The following ACACA variants were observed in gnomAD, a reference collection of about 807,000 sequenced individuals.
ACACA encodes the protein acetyl-CoA carboxylase 1.
In ACACA, 103 loss-of-function variants were observed where a neutral mutation model predicts 296.1. That is an observed-to-expected ratio of 0.35 (90% CI 0.30 to 0.41). The LOEUF (loss-of-function observed/expected upper bound fraction) is 0.41, where lower values mean the gene tolerates loss of function less well. Among genes scored for constraint, ACACA ranks in the 10% least tolerant of loss-of-function variants. The pLI is 1.00. For synonymous variants in ACACA, 953 were observed against 1,038.6 expected, an observed-to-expected ratio of 0.92 and a Z score of 1.58; for missense variants, 1,554 against 2,989.7, an observed-to-expected ratio of 0.52 and a Z score of 11.20.
chr17:37,359,226 A>C (rs1276687953), intron 1 of ACACA: 66 of 825,534 alleles, frequency 8.0e-5, no homozygotes, highest in Non-Finnish European at 9.5e-5. Context: ...GTCCGGGGTT[A>C]CTCCAGGCCG....
At chr17:37,391,603 ACTTGCATC>A in intron 1 of ACACA, 1 of 1,560,460 alleles carries the variant, frequency 6.4e-7, no homozygotes, top group Non-Finnish European at 8.8e-7. Flanking sequence ...AGAACTATAC[ACTTGCATC>A]CTTTTTTAAC....
chr17:37,406,179 T>A, intron 1 of ACACA, 83 bp downstream of exon 1: 1 of 1,485,338 alleles, frequency 6.7e-7, no homozygotes, highest in Non-Finnish European at 9.4e-7. Context: ...CTTTGTGCAA[T>A]GTCTGGCATG....
At chr17:37,291,773 G>A (rs2083080150) in intron 3 of ACACA, among the ~76,000 whole-genome samples, 2 of 152,152 alleles carry the variant, frequency 1.3e-5, no homozygotes, top group Non-Finnish European at 2.9e-5. Flanking sequence ...AACACCTGAT[G>A]ATGTTATTAA....
At chr17:37,285,640 C>T (rs1598402091) in intron 3 of ACACA, among the ~76,000 whole-genome samples, 1 of 147,774 alleles carries the variant, frequency 6.8e-6, no homozygotes, top group Non-Finnish European at 1.5e-5. Flanking sequence ...ATGGCAAAAC[C>T]CTGTCTATAA....
chr17:37,344,746 C>T (rs2048539210), intron 1 of ACACA, among the ~76,000 whole-genome samples: 1 of 152,018 alleles, frequency 6.6e-6, no homozygotes, highest in Non-Finnish European at 1.5e-5. Flanking sequence ...AACTTACGAT[C>T]AACACAATTT....
chr17:37,293,096 T>C (rs1266276842), intron 3 of ACACA, among the ~76,000 whole-genome samples: 1 of 152,248 alleles, frequency 6.6e-6, no homozygotes, highest in Non-Finnish European at 1.5e-5. Flanking sequence ...ACTTTAACTA[T>C]GAAAATGTTA....
Position 37,094,587 on chromosome 17 carries a change from C to A in ACACA, c.6891+2409G>T, listed in dbSNP as rs531740783. Among the ~76,000 whole-genome samples the A allele has an allele frequency of 4.1e-5, 5 of 122,298 alleles. 1 individual carries two copies. In the South Asian group the frequency reaches 8.7e-4, roughly 21 times the overall value. The allele number at this position is 122,298 out of a possible 152,430, so 80.2% of individuals were successfully genotyped here. On this transcript the variant is annotated intron_variant, in intron 54 of 55. Transcript: ENST00000616317. ...TTGAAGAACCACCCCCCCCCCCCCACACCAAACAGCAAGCAGATTGTACAT... is the reference window on the plus strand; with the variant it reads ...TTGAAGAACCACCCCCCCCCCCCCAAACCAAACAGCAAGCAGATTGTACAT...
At chr17:37,370,625 C>G (rs910294422) in intron 1 of ACACA, among the ~76,000 whole-genome samples, 4 of 151,390 alleles carry the variant, frequency 2.6e-5, no homozygotes, top group African/African-American at 4.9e-5. Flanking sequence ...CCACTGCACT[C>G]CAGCCTGGGT....
Position 37,107,298 on chromosome 17 carries a change from T to C in ACACA, c.6565+4233A>G, listed in dbSNP as rs76208027. On this transcript the variant is annotated intron_variant, in intron 52 of 55. Coordinates refer to ENST00000616317, the MANE Select transcript of ACACA (RefSeq NM_198834.3). ...TTTTCAGCTTTCAGCCTCTCGAAGA[T>C]GGACATAAGAGTTGGAAAAACACAG... Among the ~76,000 whole-genome samples, 803 of 152,314 alleles carry C rather than the reference T, an allele frequency of 5.3e-3. 23 individuals are homozygous for C. The East Asian group carries it at 0.074, about 14-fold the overall frequency.
intron 3 of ACACA, among the ~76,000 whole-genome samples, chr17:37,328,173 G>GAAAT (rs1466093839): frequency 2.0e-5 from 3 of 152,196 alleles, no homozygotes; most frequent in African/African-American, 7.2e-5. Flanking sequence ...AAAAGTTAGT[G>GAAAT]AAATAAAATC....
chr17:37,116,838 G>A (rs2074280032), intron 50 of ACACA, among the ~76,000 whole-genome samples: 1 of 152,212 alleles, frequency 6.6e-6, no homozygotes, highest in Non-Finnish European at 1.5e-5. Context: ...ATAGCAGCAG[G>A]GGAGGGGCGA....
At chr17:37,377,511 T>C (rs1361025893) in intron 1 of ACACA, among the ~76,000 whole-genome samples, 1 of 151,764 alleles carries the variant, frequency 6.6e-6, no homozygotes, top group Admixed American at 6.6e-5. Flanking sequence ...AATACAAAAA[T>C]TAGCTGGGCA....
At chr17:37,234,283 G>A (rs2080005369) in intron 25 of ACACA, among the ~76,000 whole-genome samples, 1 of 152,130 alleles carries the variant, frequency 6.6e-6, no homozygotes, top group African/African-American at 2.4e-5. Flanking sequence ...CAACCAGAAT[G>A]AGCTAGGAGT....
chr17:37,245,013 T>C, intron 20 of ACACA, 67 bp downstream of exon 20: 1 of 1,607,482 alleles, frequency 6.2e-7, no homozygotes. Context: ...TTGAAATCAC[T>C]TGCCTCTCCA....
intron 1 of ACACA, among the ~76,000 whole-genome samples, chr17:37,351,009 G>C (rs527964458): frequency 6.6e-6 from 1 of 151,832 alleles, no homozygotes. Context: ...GGAGCGTGGC[G>C]CATGCCCATA....
intron 54 of ACACA, among the ~76,000 whole-genome samples, chr17:37,091,158 A>C (rs773873691): frequency 5.9e-5 from 9 of 152,220 alleles, no homozygotes; most frequent in African/African-American, 9.6e-5. Context: ...AACAATGCTC[A>C]GACACTACAC....
chr17:37,230,107 G>A (rs530625231), intron 25 of ACACA, among the ~76,000 whole-genome samples: 8 of 148,238 alleles, frequency 5.4e-5, no homozygotes, highest in South Asian at 2.2e-4. Flanking sequence ...AAATAAGGCC[G>A]GGTGCGGTGG....
intron 3 of ACACA, among the ~76,000 whole-genome samples, chr17:37,293,359 C>T (rs528433487): frequency 2.0e-5 from 3 of 152,010 alleles, no homozygotes; most frequent in Non-Finnish European, 2.9e-5. Flanking sequence ...AATTCTTATC[C>T]TTAGTAACCT....
At chr17:37,142,255 C>G (rs576011247) in intron 45 of ACACA, among the ~76,000 whole-genome samples, 14 of 152,278 alleles carry the variant, frequency 9.2e-5, no homozygotes, top group South Asian at 8.3e-4. Flanking sequence ...CAGTGGAGCT[C>G]TGTGTGGCGA....
Sources: allele counts gnomAD v4.1 joint callset (sites outside exome capture counted in the v4.1 genomes callset), GRCh38; gene constraint gnomAD v4.1.1; transcripts MANE v1.5; gene names NCBI Gene and HGNC (gene_info 2026-07-23, HGNC 2026-07-21).